Variants in SLC2A9 observed in about 807,000 individuals in gnomAD.
The protein encoded by SLC2A9 is solute carrier family 2, facilitated glucose transporter member 9.
SLC2A9 carries 39 observed loss-of-function variants against 50.6 expected under a neutral mutation model. The observed-to-expected ratio is 0.77, with a 90% CI of 0.60 to 1.01. The LOEUF (loss-of-function observed/expected upper bound fraction) is 1.01. Ranked by LOEUF, SLC2A9 falls within the 50% of genes least tolerant of loss-of-function variation. The probability of loss-of-function intolerance (pLI) is 0.00; values close to 1 mark genes in which losing one functional copy is unlikely to be tolerated. For synonymous variants in SLC2A9, 324 were observed against 276.9 expected, an observed-to-expected ratio of 1.17 and a Z score of -1.69; for missense variants, 686 against 677.6, an observed-to-expected ratio of 1.01 and a Z score of -0.14.
rs890724479 is a variant in SLC2A9 at position 9,856,312 on chromosome 4, A to C, written c.1292-21304T>G. On this transcript the variant is annotated intron_variant, in intron 10 of 11. Coordinates refer to ENST00000264784, the MANE Select transcript of SLC2A9 (RefSeq NM_020041.3). ...ATTTAAAAATGGGCAAAGGACATGAACAGACACTTTTTAAAAGAAGACATA... is the reference window on the plus strand; with the variant it reads ...ATTTAAAAATGGGCAAAGGACATGACCAGACACTTTTTAAAAGAAGACATA... Among the ~76,000 whole-genome samples, 4 of 152,232 alleles carry C rather than the reference A, an allele frequency of 2.6e-5. No individual in the cohort carries two copies. The South Asian group carries it at 6.2e-4, about 24-fold the overall frequency.
upstream of SLC2A9, among the ~76,000 whole-genome samples, chr4:10,024,733 C>A (rs1413353917): frequency 1.3e-5 from 2 of 152,194 alleles, no homozygotes; most frequent in East Asian, 3.8e-4. Context: ...ACTTCTGGAA[C>A]TGACCTTAAA....
At chr4:9,983,973 A>T (rs1412406607) in intron 4 of SLC2A9, among the ~76,000 whole-genome samples, 1 of 152,184 alleles carries the variant, frequency 6.6e-6, no homozygotes, top group Non-Finnish European at 1.5e-5. Flanking sequence ...TGAACATGAG[A>T]AAACAGTCTT....
intron 8 of SLC2A9, among the ~76,000 whole-genome samples, chr4:9,895,803 T>C (rs373488472): frequency 6.6e-6 from 1 of 152,224 alleles, no homozygotes; most frequent in East Asian, 1.9e-4. Flanking sequence ...TATTGAACAT[T>C]TCCATCACTT....
At chr4:9,787,763 T>G (rs1239801885) in intron 3 of SLC2A9, among the ~76,000 whole-genome samples, 3 of 152,202 alleles carry the variant, frequency 2.0e-5, no homozygotes, top group Non-Finnish European at 4.4e-5. Context: ...TTGGGTTTTT[T>G]GGTGCTTTTC....
intron 6 of SLC2A9, among the ~76,000 whole-genome samples, chr4:9,935,465 T>C (rs924518196): frequency 6.6e-6 from 1 of 152,192 alleles, no homozygotes; most frequent in Non-Finnish European, 1.5e-5. Context: ...TCCCTGCCCC[T>C]ATGTGCCCTG....
chr4:9,949,902 C>T (rs1749906828), intron 5 of SLC2A9, among the ~76,000 whole-genome samples: 2 of 152,190 alleles, frequency 1.3e-5, no homozygotes, highest in Admixed American at 6.5e-5. Context: ...GCTTGTTTAG[C>T]AGTGGGGCCT....
intron 8 of SLC2A9, among the ~76,000 whole-genome samples, chr4:9,891,825 G>C (rs1265656952): frequency 6.6e-6 from 1 of 152,186 alleles, no homozygotes; most frequent in Non-Finnish European, 1.5e-5. Context: ...AAAGGTTTTG[G>C]GGCTGGATGG....
At chr4:9,830,616 C>T (rs1725969618) in intron 11 of SLC2A9, among the ~76,000 whole-genome samples, 1 of 152,198 alleles carries the variant, frequency 6.6e-6, no homozygotes, top group Non-Finnish European at 1.5e-5. Context: ...CAATATTCTT[C>T]AGGTTGAAAA....
At chr4:9,850,319 T>G (rs919392576) in intron 10 of SLC2A9, among the ~76,000 whole-genome samples, 2 of 152,246 alleles carry the variant, frequency 1.3e-5, no homozygotes, top group South Asian at 4.1e-4. Flanking sequence ...CTCCAGCCTG[T>G]GTGTTGCCCA....
At chr4:9,945,032 C>A (rs4475146) in intron 5 of SLC2A9, among the ~76,000 whole-genome samples, 43,426 of 152,156 alleles carry the variant, frequency 0.29, 7,013 homozygotes, top group African/African-American at 0.43. Context: ...TCTGCTATGC[C>A]CTGTGCTTTA....
At chr4:9,990,373 G>A (rs1757481794) in intron 3 of SLC2A9, among the ~76,000 whole-genome samples, 2 of 152,226 alleles carry the variant, frequency 1.3e-5, no homozygotes, top group Non-Finnish European at 1.5e-5. Context: ...AAGCTGCTGT[G>A]TTGGGTGCTA....
rs547994251 is a variant in SLC2A9, at chr4:10,019,069, C to T, written c.155G>A (p.Trp52Ter). ...GVPGGRRRKD[W>*]SCSLLVASLA... Reference sequence around the variant, plus strand: ...GGAGGCCACGAGGAGCGAGCAGGACCAGTCCTGAGGGGAGAGGAAACCACG... The same window carrying T: ...GGAGGCCACGAGGAGCGAGCAGGACTAGTCCTGAGGGGAGAGGAAACCACG... The change falls in exon 2 of 12, where the codon TGG becomes TAG. Residue 52 changes from tryptophan (W) to a stop codon, truncating the protein, a stop_gained. Transcript: ENST00000264784. LOFTEE classifies it high-confidence loss of function. 37 of 1,551,228 alleles carry T rather than the reference C, an allele frequency of 2.4e-5. No homozygotes were observed. Among genetic ancestry groups the T allele is most frequent in the African/African-American group, 1.8e-4 (13 of 73,178 alleles).
intron 11 of SLC2A9, among the ~76,000 whole-genome samples, chr4:9,830,128 G>T (rs1046599302): frequency 6.6e-6 from 1 of 152,194 alleles, no homozygotes; most frequent in African/African-American, 2.4e-5. Context: ...GTGCATCAAC[G>T]ATAGACTGGA....
intron 5 of SLC2A9, among the ~76,000 whole-genome samples, chr4:9,958,535 AATGTAG>A (rs1181604452): frequency 6.6e-6 from 1 of 152,222 alleles, no homozygotes; most frequent in East Asian, 1.9e-4. Context: ...AGAAATACCT[AATGTAG>A]ATCACGGGTT....
chr4:9,812,105 T>C (rs1319272963), intron 3 of SLC2A9, among the ~76,000 whole-genome samples: 1 of 152,246 alleles, frequency 6.6e-6, no homozygotes, highest in Admixed American at 6.5e-5. Flanking sequence ...CATTCATTTG[T>C]TGAGTGTGTT....
At chr4:9,827,810 G>A (rs371927101) in intron 11 of SLC2A9, among the ~76,000 whole-genome samples, 123 of 152,314 alleles carry the variant, frequency 8.1e-4, no homozygotes, top group African/African-American at 2.7e-3. Flanking sequence ...GGAGAAGGGG[G>A]AGAGTATGGG....
intron 7 of SLC2A9, among the ~76,000 whole-genome samples, chr4:9,913,677 C>T (rs1278005430): frequency 1.3e-5 from 2 of 152,182 alleles, no homozygotes; most frequent in Non-Finnish European, 1.5e-5. Flanking sequence ...CTTTCTGTAT[C>T]TGCCTCCTGC....
At chr4:9,909,225 G>C (rs1182792603) in intron 7 of SLC2A9, among the ~76,000 whole-genome samples, 1 of 152,180 alleles carries the variant, frequency 6.6e-6, no homozygotes, top group African/African-American at 2.4e-5. Flanking sequence ...GAAAGAGTTA[G>C]CCTGTGCCCT....
intron 3 of SLC2A9, among the ~76,000 whole-genome samples, chr4:9,793,187 T>C (rs897606948): frequency 2.6e-5 from 4 of 152,382 alleles, no homozygotes; most frequent in South Asian, 2.1e-4. Context: ...TTTTTCTCTT[T>C]AGCAATTTTC....
Sources: gnomAD v4.1 joint callset for allele counts (sites outside exome capture counted in the v4.1 genomes callset) on GRCh38, gnomAD v4.1.1 for gene constraint, MANE v1.5 for transcripts, NCBI Gene and HGNC (gene_info 2026-07-23, HGNC 2026-07-21) for gene names.